The following PRKCSH variants were observed in gnomAD, a reference collection of about 807,000 sequenced individuals.
PRKCSH encodes PRKCSH beta subunit of glucosidase II.
In PRKCSH, 42 loss-of-function variants were observed where a neutral mutation model predicts 79.7. The observed-to-expected ratio is 0.53, with a 90% CI of 0.41 to 0.68. The LOEUF (loss-of-function observed/expected upper bound fraction) is 0.68. PRKCSH is among the 30% of genes least tolerant of loss of function. The pLI is 0.00. For synonymous variants in PRKCSH, 325 were observed against 288.2 expected (o/e 1.13, Z -1.29); for missense variants, 686 against 709.0 (o/e 0.97, Z 0.37).
In PRKCSH at chr19:11,446,300, C is replaced by A. The variant is rs1211438414; in HGVS notation, c.712C>A (p.Pro238Thr). Residue 238 changes from proline (P) to threonine (T), a missense_variant, in exon 9 of 18, where the codon CCG becomes ACG. Physicochemically the swap from Pro to Thr is conservative, Grantham distance 38. Coordinates refer to ENST00000677123, the MANE Select transcript of PRKCSH (RefSeq NM_001289104.2). ...CTCGGTGACTGAGCTGCAGACTCAC[C>A]CGGAGCTGGACACAGATGGGGATGG... is the stretch of plus-strand genomic sequence containing the variant. ...TVSVTELQTHPELDTDGDGAL... is the reference protein window; with the variant it reads ...TVSVTELQTHTELDTDGDGAL... 1 of 1,613,684 alleles carries A rather than the reference C, an allele frequency of 6.2e-7. No individual in the cohort carries two copies. The highest frequency in any genetic ancestry group is 1.7e-5 in the Admixed American group (1 of 59,980).
Position 11,441,251 on chromosome 19 carries a change from G to C in PRKCSH, c.362G>C (p.Arg121Pro). The C allele has an allele frequency of 1.2e-6, 2 of 1,614,048 alleles. No homozygotes were observed. Among genetic ancestry groups the C allele is most frequent in the Non-Finnish European group, 1.7e-6 (2 of 1,179,934 alleles). The change falls in exon 6 of 18, where the codon CGT (arginine) becomes CCT (proline). Residue 121 changes from arginine (R) to proline (P), a missense_variant. Around this residue, in one of 2 missense-constraint regions of PRKCSH, gnomAD observed 549 missense variants for 520.2 expected, o/e 1.06. Transcript: ENST00000677123. Reference protein sequence around the residue: ...ICENTCKEKGRKERESLQQMA... With the variant: ...ICENTCKEKGPKERESLQQMA... ...TCTCCGCACCGCAGAGAGAAGGGCC[G>C]TAAGGAGAGAGAGTCCCTGCAGCAG...
Position 11,445,388 on chromosome 19 carries a change from G to C in PRKCSH, c.599-1G>C, listed in dbSNP as rs1324237229. 6.2e-7 allele frequency: 1 copy of C among 1,613,662 alleles called. No homozygotes were observed. Among genetic ancestry groups the C allele is most frequent in the South Asian group, 1.1e-5 (1 of 91,086 alleles). On this transcript the variant is annotated splice_acceptor_variant, in intron 7 of 17. Coordinates refer to ENST00000677123, the MANE Select transcript of PRKCSH (RefSeq NM_001289104.2). LOFTEE classifies it high-confidence loss of function. ...GGGTGACAGAGGTGGCTTCTTTACA[G>C]AGCAGCTGGCTGCTGCCAAGGCCCA...
intron 7 of PRKCSH, among the ~76,000 whole-genome samples, chr19:11,444,598 G>A (rs760165037): frequency 6.6e-6 from 1 of 152,246 alleles, no homozygotes; most frequent in African/African-American, 2.4e-5. Context: ...TTGGTATACA[G>A]TGGGAACTGA....
chr19:11,449,462 C>T lies in PRKCSH; in HGVS notation c.*16+34C>T. On this transcript the variant is annotated intron_variant, in intron 17 of 17. Transcript: ENST00000677123. The surrounding 1 kb of genome is among the most constrained non-coding windows in gnomAD (Gnocchi z 6.4). ...GGAGGTGGAGTCTCGTCGGCCTGCC[C>T]CAGCAAGGGGAGGCGGCGGGCCCTG... 6.2e-7 allele frequency: 1 copy of T among 1,612,006 alleles called. No individual in the cohort carries two copies. Among genetic ancestry groups the T allele is most frequent in the Non-Finnish European group, 8.5e-7 (1 of 1,179,472 alleles).
At chr19:11,436,654 C>CGGGCA in intron 3 of PRKCSH, 149 bp downstream of exon 3, 1 of 733,422 alleles carries the variant, frequency 1.4e-6, no homozygotes, top group South Asian at 1.5e-5. Context: ...GTTATGGCCC[C>CGGGCA]GGGCAGCTGG....
intron 3 of PRKCSH, 121 bp from the exon 4 acceptor site, chr19:11,437,755 T>C: frequency 1.1e-6 from 1 of 905,256 alleles, no homozygotes; most frequent in Non-Finnish European, 1.8e-6. Context: ...TTCCTTCCTT[T>C]GGTTTCCTTT....
chr19:11,437,124 C>T (rs1449328917), intron 3 of PRKCSH, among the ~76,000 whole-genome samples: 3 of 152,132 alleles, frequency 2.0e-5, no homozygotes, highest in East Asian at 3.9e-4. Context: ...CAAGCTCCGC[C>T]TCCCGGGTTC....
At chr19:11,439,942 G>A (rs914348661) in intron 5 of PRKCSH, among the ~76,000 whole-genome samples, 2 of 151,602 alleles carry the variant, frequency 1.3e-5, no homozygotes, top group African/African-American at 2.4e-5. Flanking sequence ...AAAATTAGCC[G>A]GGTGTGTTGG....
intron 5 of PRKCSH, among the ~76,000 whole-genome samples, chr19:11,440,353 C>T (rs372986589): frequency 1.3e-5 from 2 of 151,826 alleles, no homozygotes; most frequent in East Asian, 1.9e-4. Context: ...GGGGTTTCAC[C>T]GTGTTAGCCC....
chr19:11,436,689 C>T (rs1398103553), intron 3 of PRKCSH, 184 bp downstream of exon 3: 2 of 604,392 alleles, frequency 3.3e-6, no homozygotes, highest in African/African-American at 3.7e-5. Context: ...GTCCTCCTCC[C>T]AAGCCTCGGG....
At position 11,448,834 on chromosome 19, in the gene PRKCSH, G is replaced by T; in HGVS notation, c.1287-80G>T. ...TGGAGGTACCCTGTGTGTGGGGACT[G>T]GAGGAGGCGGTGGGGGGTGGCTGTG... On this transcript the variant is annotated intron_variant, in intron 14 of 17. Transcript: ENST00000677123. The surrounding 1 kb of genome is among the most constrained non-coding windows in gnomAD (Gnocchi z 4.4). 6.5e-7 allele frequency: 1 copy of T among 1,544,414 alleles called. No individual in the cohort carries two copies.
At chr19:11,440,829 A>G (rs536660381) in intron 5 of PRKCSH, among the ~76,000 whole-genome samples, 16 of 150,630 alleles carry the variant, frequency 1.1e-4, no homozygotes, top group Middle Eastern at 6.9e-3. Flanking sequence ...TGGTTTTTTT[A>G]TTTGTTTTAA....
chr19:11,436,859 T>A (rs1969776376), intron 3 of PRKCSH: 1 of 345,776 alleles, frequency 2.9e-6, no homozygotes, highest in Non-Finnish European at 5.6e-6. Flanking sequence ...TGGCTTTTTG[T>A]TTTTGTGTGT....
intron 3 of PRKCSH, 77 bp downstream of exon 3, chr19:11,436,582 A>G: frequency 8.5e-7 from 1 of 1,178,106 alleles, no homozygotes; most frequent in Non-Finnish European, 1.2e-6. Context: ...TGTGACCAAG[A>G]TACTACCTCT....
intron 1 of PRKCSH, 93 bp from the exon 2 acceptor site, chr19:11,435,948 A>C (rs1191650796): frequency 9.6e-7 from 1 of 1,042,188 alleles, no homozygotes. Context: ...TATCGGAAAC[A>C]AAGTGAGGCC....
chr19:11,449,520 C>T lies in PRKCSH; in HGVS notation c.*16+92C>T. 1.3e-6 allele frequency: 2 copies of T among 1,520,216 alleles called. No individual in the cohort carries two copies. Among genetic ancestry groups the T allele is most frequent in the South Asian group, 1.1e-5 (1 of 88,248 alleles). The allele number at this position is 1,520,216 out of a possible 1,614,324, so 94.2% of individuals were successfully genotyped here. A position where few individuals can be genotyped will look rare whatever the true frequency, so the allele number is the denominator to read the frequency against. Reference sequence around the variant, plus strand: ...TGGACCCACATGGCCACTCTATCAACCTGTGTCCCCATGTTCCCTGCTTTT... The same window carrying T: ...TGGACCCACATGGCCACTCTATCAATCTGTGTCCCCATGTTCCCTGCTTTT... On this transcript the variant is annotated intron_variant, in intron 17 of 17. Coordinates refer to ENST00000677123, the MANE Select transcript of PRKCSH (RefSeq NM_001289104.2). This position sits in a 1 kb window ranked among gnomAD's most constrained non-coding sequence, Gnocchi z 6.4.
Position 11,448,020 on chromosome 19 carries a change from GC to G in PRKCSH, c.1127-198del. ...CCGCAGCTTGTTTGTGTCACTCCTG[GC>G]CCCACTCGCTCAGGAGCTGGGAGCC... On this transcript the variant is annotated intron_variant, in intron 12 of 17. Coordinates refer to ENST00000677123, the MANE Select transcript of PRKCSH (RefSeq NM_001289104.2). This position sits in a 1 kb window ranked among gnomAD's most constrained non-coding sequence, Gnocchi z 4.4. 1.3e-6 allele frequency: 1 copy of G among 750,270 alleles called. No individual in the cohort carries two copies. Among genetic ancestry groups the G allele is most frequent in the Admixed American group, 2.5e-5 (1 of 39,684 alleles). The allele number at this position is 750,270 out of a possible 1,614,324, so 46.5% of individuals were successfully genotyped here. A position where few individuals can be genotyped will look rare whatever the true frequency, so the allele number is the denominator to read the frequency against.
chr19:11,446,168 C>T (rs1970286358), intron 8 of PRKCSH, 104 bp from the exon 9 acceptor site: 5 of 1,293,718 alleles, frequency 3.9e-6, no homozygotes, highest in African/African-American at 2.9e-5. Context: ...AAGCAAGTTC[C>T]AGGGTGGGGC....
At position 11,449,356 on chromosome 19, in the gene PRKCSH, G is replaced by A. The variant is rs767550727; in HGVS notation, c.1552G>A (p.Ala518Thr). The A allele has an allele frequency of 3.7e-6, 6 of 1,613,410 alleles. No homozygotes were observed. The highest frequency in any genetic ancestry group is 2.2e-5 in the East Asian group (1 of 44,872). Reference protein sequence around the residue: ...EYLMELMTPAACPEPPPEAPT... With the variant: ...EYLMELMTPATCPEPPPEAPT... ...CCTCATGGAGCTGATGACGCCAGCC[G>A]CCTGCCCGGAGCCACCGCCTGAAGC... The change falls in exon 17 of 18, where the codon GCC (alanine) becomes ACC (threonine). Residue 518 changes from alanine to threonine, a missense_variant. Ala to Thr is a moderately conservative substitution (Grantham distance 58, BLOSUM62 0). Coordinates refer to ENST00000677123, the MANE Select transcript of PRKCSH (RefSeq NM_001289104.2). This position sits in a 1 kb window ranked among gnomAD's most constrained non-coding sequence, Gnocchi z 6.4.
Sources: allele counts gnomAD v4.1 joint callset (sites outside exome capture counted in the v4.1 genomes callset), GRCh38; gene constraint gnomAD v4.1.1; regional missense constraint gnomAD v4.1.1; non-coding constraint Gnocchi (gnomAD v3.1); transcripts MANE v1.5; gene names NCBI Gene and HGNC (gene_info 2026-07-23, HGNC 2026-07-21).